Variants in CACNA1E observed in about 807,000 individuals in gnomAD.
CACNA1E encodes voltage-dependent R-type calcium channel subunit alpha-1E.
CACNA1E carries 40 observed loss-of-function variants against 259.2 expected under a neutral mutation model. That is an observed-to-expected ratio of 0.15 (90% CI 0.12 to 0.20). The LOEUF (loss-of-function observed/expected upper bound fraction) is 0.20, where lower values mean the gene tolerates loss of function less well. Among genes scored for constraint, CACNA1E ranks in the 10% least tolerant of loss-of-function variants. The pLI, the probability that CACNA1E is intolerant of heterozygous loss-of-function variation, is 1.00. For synonymous variants in CACNA1E, 1,104 were observed against 1,138.5 expected, an observed-to-expected ratio of 0.97 and a Z score of 0.61; for missense variants, 1,874 against 3,040.1, an observed-to-expected ratio of 0.62 and a Z score of 9.02.
chr1:181,596,214 T>C (rs1653141043), intron 6 of CACNA1E, among the ~76,000 whole-genome samples: 1 of 152,144 alleles, frequency 6.6e-6, no homozygotes, highest in Non-Finnish European at 1.5e-5. Flanking sequence ...AGAGATCCCC[T>C]TTGCTGGGGG....
intron 6 of CACNA1E, among the ~76,000 whole-genome samples, chr1:181,607,746 C>T (rs546322306): frequency 4.6e-5 from 7 of 152,198 alleles, no homozygotes; most frequent in South Asian, 2.1e-4. Context: ...TGGGGAGTGA[C>T]GAGAGATGAG....
chr1:181,758,136 C>T lies in CACNA1E; in HGVS notation c.4494+25C>T, dbSNP rs556804266. 8 of 1,607,068 alleles carry T rather than the reference C, an allele frequency of 5.0e-6. No individual in the cohort carries two copies. The highest frequency in any genetic ancestry group is 3.7e-4 in the Middle Eastern group (2 of 5,406). On this transcript the variant is annotated intron_variant, in intron 31 of 47. Coordinates refer to ENST00000367573, the MANE Select transcript of CACNA1E (RefSeq NM_001205293.3). This position sits in a 1 kb window ranked among gnomAD's most constrained non-coding sequence, Gnocchi z 4.2. ...GGTGAGAGGAGAGAGGCACAAGAGC[C>T]GACTGAGCCCCAGCGATGGTTCCCT... is the stretch of plus-strand genomic sequence containing the variant.
intron 3 of CACNA1E, among the ~76,000 whole-genome samples, chr1:181,560,198 G>T (rs375325055): frequency 6.6e-6 from 1 of 151,218 alleles, no homozygotes; most frequent in African/African-American, 2.4e-5. Context: ...ACTTCAGAAG[G>T]TTAGGAAGAT....
intron 18 of CACNA1E, among the ~76,000 whole-genome samples, chr1:181,727,285 A>C (rs1285074957): frequency 6.6e-6 from 1 of 152,208 alleles, no homozygotes; most frequent in Non-Finnish European, 1.5e-5. Flanking sequence ...AGACCAAGGG[A>C]GTGCAGCCGG....
At chr1:181,493,925 G>A (rs567276655) in intron 1 of CACNA1E, among the ~76,000 whole-genome samples, 1 of 152,370 alleles carries the variant, frequency 6.6e-6, no homozygotes, top group East Asian at 1.9e-4. Context: ...CATTGCGCCA[G>A]CTTTCCTTGA....
At chr1:181,439,282 T>C (rs1045082574) in intron 2 of CACNA1E, among the ~76,000 whole-genome samples, 2 of 152,028 alleles carry the variant, frequency 1.3e-5, no homozygotes, top group Non-Finnish European at 2.9e-5. Flanking sequence ...GATTTCAAAT[T>C]TGAGATATTT....
intron 1 of CACNA1E, among the ~76,000 whole-genome samples, chr1:181,374,238 T>C (rs1322579168): frequency 6.6e-6 from 1 of 152,236 alleles, no homozygotes; most frequent in East Asian, 1.9e-4. Context: ...TTTTTTTATT[T>C]CTGCCTTAAT....
At chr1:181,484,896 G>A (rs966829115) in intron 1 of CACNA1E, among the ~76,000 whole-genome samples, 3 of 152,214 alleles carry the variant, frequency 2.0e-5, no homozygotes, top group African/African-American at 7.2e-5. Context: ...GCACTGGTGG[G>A]GGCCATCTCT....
intron 3 of CACNA1E, among the ~76,000 whole-genome samples, chr1:181,541,431 G>C (rs1668572297): frequency 6.6e-6 from 1 of 151,808 alleles, no homozygotes; most frequent in South Asian, 2.1e-4. Context: ...CTCCCCATTA[G>C]ATAGGTAGAC....
At chr1:181,663,589 CT>C (rs1182582363) in intron 7 of CACNA1E, among the ~76,000 whole-genome samples, 1 of 152,176 alleles carries the variant, frequency 6.6e-6, no homozygotes, top group Non-Finnish European at 1.5e-5. Flanking sequence ...CCATGCCCCC[CT>C]ATGACCTCCT....
chr1:181,412,218 G>A (rs1657902874), intron 1 of CACNA1E, among the ~76,000 whole-genome samples: 1 of 152,172 alleles, frequency 6.6e-6, no homozygotes, highest in South Asian at 2.1e-4. Flanking sequence ...AGGTCCTGAG[G>A]CAGGCACAGG....
upstream of CACNA1E, among the ~76,000 whole-genome samples, chr1:181,482,825 C>T (rs996844601): frequency 1.3e-5 from 2 of 151,478 alleles, no homozygotes; most frequent in African/African-American, 4.9e-5. Context: ...GCCGCCCGCC[C>T]GCTCGCACTC....
At chr1:181,512,025 G>A (rs771094813) in intron 3 of CACNA1E, among the ~76,000 whole-genome samples, 5 of 152,228 alleles carry the variant, frequency 3.3e-5, no homozygotes, top group African/African-American at 7.2e-5. Context: ...TTTGTTAATA[G>A]TATAAAATCG....
intron 18 of CACNA1E, among the ~76,000 whole-genome samples, chr1:181,727,973 A>T (rs890866051): frequency 6.6e-6 from 1 of 152,048 alleles, no homozygotes; most frequent in Admixed American, 6.5e-5. Flanking sequence ...GCCTTTCGTA[A>T]CAAATGCCTG....
chr1:181,557,938 C>CAG (rs1213988269), intron 3 of CACNA1E, among the ~76,000 whole-genome samples: 1 of 152,232 alleles, frequency 6.6e-6, no homozygotes, highest in Non-Finnish European at 1.5e-5. Context: ...TCTGGCTAGA[C>CAG]TGCCTCTGCA....
intron 2 of CACNA1E, among the ~76,000 whole-genome samples, chr1:181,431,901 T>C (rs1659741736): frequency 6.6e-6 from 1 of 152,190 alleles, no homozygotes; most frequent in East Asian, 1.9e-4. Flanking sequence ...TGCAGTTTTA[T>C]TTTTCTCATT....
intron 7 of CACNA1E, among the ~76,000 whole-genome samples, chr1:181,681,437 G>T (rs1454185712): frequency 6.6e-6 from 1 of 152,146 alleles, no homozygotes; most frequent in Non-Finnish European, 1.5e-5. Context: ...CTTTTATTCT[G>T]TGAAATGTCT....
At chr1:181,323,366 T>C (rs1157583076) in intron 1 of CACNA1E, among the ~76,000 whole-genome samples, 1 of 152,174 alleles carries the variant, frequency 6.6e-6, no homozygotes, top group Non-Finnish European at 1.5e-5. Context: ...CCATACTAGC[T>C]ATATGACCAC....
intron 27 of CACNA1E, among the ~76,000 whole-genome samples, chr1:181,753,434 T>G (rs1439879891): frequency 1.3e-5 from 2 of 152,360 alleles, no homozygotes; most frequent in Admixed American, 6.5e-5. Flanking sequence ...AGTGCGAGGC[T>G]CAGCTCTAGG....
Sources: gnomAD v4.1 joint callset for allele counts (sites outside exome capture counted in the v4.1 genomes callset) on GRCh38, gnomAD v4.1.1 for gene constraint, Gnocchi (gnomAD v3.1) non-coding constraint, MANE v1.5 for transcripts, NCBI Gene and HGNC (gene_info 2026-07-23, HGNC 2026-07-21) for gene names.